Variants in XIRP2 observed in about 807,000 individuals in gnomAD.
XIRP2 encodes the protein xin actin-binding repeat-containing protein 2.
In XIRP2, 236 loss-of-function variants were observed where a neutral mutation model predicts 277.0. That is an observed-to-expected ratio of 0.85 (90% CI 0.77 to 0.95). XIRP2 has a LOEUF of 0.95. Ranked by LOEUF, XIRP2 falls within the 40% of genes least tolerant of loss-of-function variation. XIRP2 has a pLI of 0.00. For missense variants in XIRP2, 4,640 were observed against 4,157.5 expected (o/e 1.12, Z -3.19); for synonymous variants, 1,490 against 1,416.5 (o/e 1.05, Z -1.17).
chr2:167,018,674 G>A (rs928479977), intron 2 of XIRP2, among the ~76,000 whole-genome samples: 3 of 152,034 alleles, frequency 2.0e-5, no homozygotes. Flanking sequence ...TGCCAGGGCT[G>A]TCAGTCCATT....
At chr2:167,253,092 A>G (rs1695561538) in intron 9 of XIRP2, among the ~76,000 whole-genome samples, 1 of 151,922 alleles carries the variant, frequency 6.6e-6, no homozygotes. Flanking sequence ...ACTAAAGTAG[A>G]TATAATTATT....
intron 2 of XIRP2, among the ~76,000 whole-genome samples, chr2:166,915,033 C>A (rs1412014914): frequency 2.6e-5 from 4 of 151,810 alleles, no homozygotes; most frequent in Non-Finnish European, 5.9e-5. Context: ...AGCGGTGGCT[C>A]ACACCTGTAA....
chr2:167,042,176 G>A (rs763795500), intron 2 of XIRP2, among the ~76,000 whole-genome samples: 1 of 152,166 alleles, frequency 6.6e-6, no homozygotes, highest in Non-Finnish European at 1.5e-5. Context: ...CCTTACAACA[G>A]TTCCTTGAGG....
At chr2:167,102,393 T>C (rs1274364387) in intron 2 of XIRP2, among the ~76,000 whole-genome samples, 1 of 152,230 alleles carries the variant, frequency 6.6e-6, no homozygotes, top group Non-Finnish European at 1.5e-5. Context: ...TGCCAGCCAC[T>C]TTCTGTCAAA....
intron 3 of XIRP2, among the ~76,000 whole-genome samples, chr2:167,182,337 T>C (rs1005466401): frequency 1.3e-5 from 2 of 152,154 alleles, no homozygotes; most frequent in African/African-American, 2.4e-5. Context: ...ATGGGCCCCA[T>C]TGGGTCAGAA....
At chr2:167,241,551 T>C (rs568814079) in intron 7 of XIRP2, among the ~76,000 whole-genome samples, 23 of 152,252 alleles carry the variant, frequency 1.5e-4, no homozygotes, top group African/African-American at 5.1e-4. Context: ...TGTGAGAAGT[T>C]TCCCATAGCA....
intron 3 of XIRP2, among the ~76,000 whole-genome samples, chr2:167,203,476 C>A (rs1693776537): frequency 6.6e-6 from 1 of 152,142 alleles, no homozygotes. Context: ...GGAATAGGAT[C>A]ACAGGGAGGT....
chr2:167,023,936 C>A (rs559441270), intron 2 of XIRP2, among the ~76,000 whole-genome samples: 3 of 151,966 alleles, frequency 2.0e-5, no homozygotes, highest in Non-Finnish European at 4.4e-5. Context: ...CTTGGTGATG[C>A]GGGCTCTTTT....
intron 3 of XIRP2, among the ~76,000 whole-genome samples, chr2:167,195,602 A>G (rs1693478756): frequency 2.0e-5 from 3 of 152,198 alleles, no homozygotes; most frequent in Admixed American, 2.0e-4. Context: ...AGGCACTGGA[A>G]GATGGGTCTG....
chr2:167,006,996 A>G (rs544871890), intron 2 of XIRP2, among the ~76,000 whole-genome samples: 20 of 151,862 alleles, frequency 1.3e-4, no homozygotes, highest in Admixed American at 1.1e-3. Context: ...TAAAACCCTC[A>G]GATATACCAT....
chr2:167,110,978 T>C (rs1005353919), intron 2 of XIRP2, among the ~76,000 whole-genome samples: 1 of 152,098 alleles, frequency 6.6e-6, no homozygotes, highest in Non-Finnish European at 1.5e-5. Context: ...GGCTTGGATG[T>C]TGTTGGTGTA....
intron 2 of XIRP2, among the ~76,000 whole-genome samples, chr2:166,938,340 A>C (rs904470155): frequency 1.3e-4 from 20 of 152,014 alleles, no homozygotes; most frequent in Admixed American, 1.2e-3. Flanking sequence ...TTCTGCCTTC[A>C]TTTCGTTATG....
At chr2:167,110,230 A>T (rs907723861) in intron 2 of XIRP2, among the ~76,000 whole-genome samples, 3 of 152,086 alleles carry the variant, frequency 2.0e-5, no homozygotes, top group Non-Finnish European at 4.4e-5. Flanking sequence ...AATCTTCATC[A>T]TGAAATCTTG....
chr2:166,996,350 G>C (rs1478001716), intron 2 of XIRP2, among the ~76,000 whole-genome samples: 1 of 152,202 alleles, frequency 6.6e-6, no homozygotes, highest in Non-Finnish European at 1.5e-5. Flanking sequence ...GTCTAGTTGG[G>C]CTGGGCACAG....
In XIRP2 at chr2:167,243,601, G is replaced by T. The variant is rs201995517; in HGVS notation, c.2209G>T (p.Glu737Ter). Residue 737 changes from glutamate (E) to a stop codon, truncating the protein, a stop_gained, in exon 9 of 11, where the codon GAA (glutamate) becomes TAA (stop). Coordinates refer to ENST00000409195, the MANE Select transcript of XIRP2 (RefSeq NM_152381.6). LOFTEE classifies it high-confidence loss of function. ...TGTTAAAAGAAGTATAAAATGTTTC[G>T]AAACTCAACCATTATATGTTATTAG... ...GNVKRSIKCF[E>*]TQPLYVIRDG... 6.2e-7 allele frequency: 1 copy of T among 1,613,920 alleles called. No individual in the cohort carries two copies. Among genetic ancestry groups the T allele is most frequent in the Non-Finnish European group, 8.5e-7 (1 of 1,179,966 alleles).
Position 167,248,888 on chromosome 2 carries a change from G to T in XIRP2, c.7496G>T (p.Cys2499Phe). The part of the protein sequence containing the change: ...RKQLSIDSAN[C>F]LSHTVPGTSA... ...CAATTATCTATTGACTCTGCAAACT[G>T]TCTCTCACACACAGTTCCAGGAACT... The change falls in exon 9 of 11, where the codon TGT becomes TTT. Residue 2499 changes from cysteine to phenylalanine, a missense_variant. Coordinates refer to ENST00000409195, the MANE Select transcript of XIRP2 (RefSeq NM_152381.6). 6.2e-7 allele frequency: 1 copy of T among 1,613,642 alleles called. No homozygotes were observed.
rs1202885787 is a variant in XIRP2, at chr2:167,242,803, C to G, written c.1411C>G (p.Gln471Glu). ...QTSVDVTAFS[Q>E]SPELPSPPRR... ...TTCAGTAGATGTGACAGCATTTTCCCAGTCCCCTGAACTGCCCAGTCCTCC... is the reference window on the plus strand; with the variant it reads ...TTCAGTAGATGTGACAGCATTTTCCGAGTCCCCTGAACTGCCCAGTCCTCC... The change falls in exon 9 of 11, where the codon CAG becomes GAG. Residue 471 changes from glutamine (Q) to glutamate (E), a missense_variant. Gln to Glu is a conservative substitution (Grantham distance 29). Coordinates refer to ENST00000409195, the MANE Select transcript of XIRP2 (RefSeq NM_152381.6). 2.5e-6 allele frequency: 4 copies of G among 1,614,066 alleles called. No individual in the cohort carries two copies. The South Asian group carries it at 4.4e-5, about 18-fold the overall frequency.
intron 4 of XIRP2, among the ~76,000 whole-genome samples, chr2:167,217,133 T>A (rs1312650369): frequency 2.2e-5 from 1 of 45,456 alleles, no homozygotes; most frequent in Non-Finnish European, 4.4e-5. Flanking sequence ...GGGACTGTGG[T>A]GGGGTGGGGG....
chr2:167,185,291 C>A (rs1467316627), intron 3 of XIRP2, among the ~76,000 whole-genome samples: 1 of 151,990 alleles, frequency 6.6e-6, no homozygotes, highest in African/African-American at 2.4e-5. Context: ...AGTGTTCCAC[C>A]AAGGTTTCTT....
Sources: gnomAD v4.1 joint callset for allele counts (sites outside exome capture counted in the v4.1 genomes callset) on GRCh38, gnomAD v4.1.1 for gene constraint, MANE v1.5 for transcripts, NCBI Gene and HGNC (gene_info 2026-07-23, HGNC 2026-07-21) for gene names.